The following COBL variants were observed in gnomAD, a reference collection of about 807,000 sequenced individuals.
COBL encodes the protein protein cordon-bleu.
In COBL, 51 loss-of-function variants were observed where a neutral mutation model predicts 98.8. The ratio of observed to expected loss-of-function variants is 0.52; its 90% CI spans 0.41 to 0.65. COBL has a LOEUF of 0.65. Among genes scored for constraint, COBL ranks in the 30% least tolerant of loss-of-function variants. The probability of loss-of-function intolerance (pLI) is 0.00; values close to 1 mark genes in which losing one functional copy is unlikely to be tolerated. For synonymous variants in COBL, 634 were observed against 651.7 expected (o/e 0.97, Z 0.41); for missense variants, 1,617 against 1,617.5 (o/e 1.00, Z 0.01).
chr7:51,281,909 G>T (rs910533058), intron 1 of COBL, among the ~76,000 whole-genome samples: 6 of 152,128 alleles, frequency 3.9e-5, no homozygotes, highest in Non-Finnish European at 7.4e-5. Context: ...AAATGTAGAT[G>T]TAACACATAA....
chr7:51,266,588 C>CA (rs1213822509), intron 1 of COBL, among the ~76,000 whole-genome samples: 6 of 151,668 alleles, frequency 4.0e-5, no homozygotes, highest in South Asian at 2.1e-4. Context: ...CAAAACAAAA[C>CA]AAAAAAAAGA....
intron 6 of COBL, among the ~76,000 whole-genome samples, chr7:51,113,773 G>A (rs1253757488): frequency 6.6e-6 from 1 of 152,192 alleles, no homozygotes; most frequent in East Asian, 1.9e-4. Flanking sequence ...TTTAGTTTAT[G>A]AGAAATATGA....
At chr7:51,080,818 C>T (rs1441934416) in intron 7 of COBL, among the ~76,000 whole-genome samples, 1 of 152,184 alleles carries the variant, frequency 6.6e-6, no homozygotes, top group Non-Finnish European at 1.5e-5. Context: ...CGCACATTCA[C>T]ACCCAGCACT....
Position 51,026,551 on chromosome 7 carries a change from TC to T in COBL, c.3498del (p.Arg1167GlyfsTer29). On this transcript the variant is annotated frameshift_variant, in exon 11 of 13. Coordinates refer to ENST00000265136, the MANE Select transcript of COBL (RefSeq NM_015198.5). LOFTEE classifies it high-confidence loss of function. ...AIRGHSGTCS[L>X]RKVASSASEE... ...GAAGGCCCTTCACCTCTTACCTTCC[TC>T]AGGCTGCAGGTGCCGCTGTGCCCGC... 6.2e-7 allele frequency: 1 copy of T among 1,613,990 alleles called. No individual in the cohort carries two copies. The highest frequency in any genetic ancestry group is 8.5e-7 in the Non-Finnish European group (1 of 1,179,980).
chr7:51,042,923 G>A (rs1021780952), intron 8 of COBL, among the ~76,000 whole-genome samples: 4 of 152,132 alleles, frequency 2.6e-5, no homozygotes, highest in African/African-American at 9.7e-5. Context: ...AGCATTTCAG[G>A]TATCCCATAA....
intron 6 of COBL, among the ~76,000 whole-genome samples, chr7:51,103,446 T>C (rs1171013140): frequency 6.6e-6 from 1 of 152,188 alleles, no homozygotes; most frequent in African/African-American, 2.4e-5. Flanking sequence ...TTTTACTTTT[T>C]CAGAAGGTAA....
At chr7:51,303,298 C>T (rs779915801) in intron 1 of COBL, among the ~76,000 whole-genome samples, 1 of 152,168 alleles carries the variant, frequency 6.6e-6, no homozygotes, top group Non-Finnish European at 1.5e-5. Context: ...TGGTGGCTCA[C>T]ACCTGTAATC....
At chr7:51,035,110 C>T (rs1009860993) in intron 8 of COBL, 2 of 152,138 alleles carry the variant, frequency 1.3e-5, no homozygotes, top group African/African-American at 4.8e-5. Flanking sequence ...GCAGGCTGAC[C>T]GATCCACCCA....
At chr7:51,083,206 T>C (rs1425890905) in intron 7 of COBL, 2 of 1,461,236 alleles carry the variant, frequency 1.4e-6, no homozygotes, top group Non-Finnish European at 9.0e-7. Context: ...TGGGAGGCTT[T>C]TGTGGCACCT....
chr7:51,106,825 G>A (rs1251357773), intron 6 of COBL, among the ~76,000 whole-genome samples: 1 of 151,790 alleles, frequency 6.6e-6, no homozygotes, highest in African/African-American at 2.4e-5. Flanking sequence ...TACTGGGCAT[G>A]CTTCATGGAA....
chr7:51,309,441 T>C (rs892722928), intron 1 of COBL, among the ~76,000 whole-genome samples: 1 of 152,136 alleles, frequency 6.6e-6, no homozygotes, highest in Non-Finnish European at 1.5e-5. Context: ...TAAGCCACTG[T>C]CACTTTATGT....
intron 4 of COBL, among the ~76,000 whole-genome samples, chr7:51,187,291 C>T (rs1789616929): frequency 7.1e-6 from 1 of 141,542 alleles, no homozygotes; most frequent in Non-Finnish European, 1.5e-5. Flanking sequence ...TATGTATATA[C>T]ATATATGTAT....
rs920497626 is a variant in COBL at position 51,016,841 on chromosome 7, C to T, written c.*710G>A. Reference sequence around the variant, plus strand: ...CAGTGGTGGTGTGACCTCAGCCACCCGCCACCCTTGCAGGACTCGGGCATG... The same window carrying T: ...CAGTGGTGGTGTGACCTCAGCCACCTGCCACCCTTGCAGGACTCGGGCATG... On this transcript the variant is annotated 3_prime_UTR_variant, in exon 13 of 13. Coordinates refer to ENST00000265136, the MANE Select transcript of COBL (RefSeq NM_015198.5). The T allele has an allele frequency of 1.0e-5, 4 of 398,062 alleles. No individual in the cohort carries two copies. Among genetic ancestry groups the T allele is most frequent in the African/African-American group, 4.1e-5 (2 of 48,632 alleles). 24.7% of individuals were successfully genotyped at this position (398,062 alleles called of 1,614,324 possible). A position where few individuals can be genotyped will look rare whatever the true frequency, so the allele number is the denominator to read the frequency against.
At position 51,287,695 on chromosome 7, in the gene COBL, C is replaced by A. The variant is rs1480725861; in HGVS notation, c.41+28898G>T. ...AACACCTGTACATGAATGTTTATAG[C>A]AGCTCTATTCACACTCACAAAACAC... is the stretch of plus-strand genomic sequence containing the variant. On this transcript the variant is annotated intron_variant, in intron 1 of 12. Coordinates refer to ENST00000265136, the MANE Select transcript of COBL (RefSeq NM_015198.5). Among the ~76,000 whole-genome samples the A allele has an allele frequency of 3.3e-5, 5 of 152,284 alleles. No homozygotes were observed. In the East Asian group the frequency reaches 9.6e-4, roughly 29 times the overall value.
intron 5 of COBL, among the ~76,000 whole-genome samples, chr7:51,145,825 G>T (rs536644197): frequency 2.6e-5 from 4 of 152,164 alleles, no homozygotes; most frequent in Non-Finnish European, 5.9e-5. Flanking sequence ...TTGAACAGCC[G>T]TCTTTCGTGT....
At chr7:51,191,697 C>T (rs1411637099) in intron 3 of COBL, among the ~76,000 whole-genome samples, 1 of 152,052 alleles carries the variant, frequency 6.6e-6, no homozygotes, top group Non-Finnish European at 1.5e-5. Context: ...AAACACCAGG[C>T]ATATATAATA....
chr7:51,224,307 T>C (rs1322307195), intron 1 of COBL, among the ~76,000 whole-genome samples: 1 of 152,218 alleles, frequency 6.6e-6, no homozygotes, highest in Non-Finnish European at 1.5e-5. Flanking sequence ...CTGAAAATTA[T>C]ACATAGTTCC....
At chr7:51,275,926 G>A (rs981691388) in intron 1 of COBL, among the ~76,000 whole-genome samples, 7 of 152,162 alleles carry the variant, frequency 4.6e-5, no homozygotes, top group African/African-American at 1.7e-4. Context: ...TTGTGAGGTT[G>A]TCTGTTTTAA....
intron 5 of COBL, among the ~76,000 whole-genome samples, chr7:51,150,069 A>C (rs1203143781): frequency 6.6e-6 from 1 of 152,188 alleles, no homozygotes; most frequent in Non-Finnish European, 1.5e-5. Context: ...ACAGAAAACA[A>C]GGTAAGTCTC....
Sources: gnomAD v4.1 joint callset for allele counts (sites outside exome capture counted in the v4.1 genomes callset) on GRCh38, gnomAD v4.1.1 for gene constraint, MANE v1.5 for transcripts, NCBI Gene and HGNC (gene_info 2026-07-23, HGNC 2026-07-21) for gene names.